ADAT2: variants seen among roughly 807,000 people sequenced by gnomAD.
ADAT2 encodes the protein adenosine deaminase tRNA specific 2, also known as tRNA-specific adenosine-34 deaminase catalytic subunit ADAT2.
ADAT2 carries 26 observed loss-of-function variants against 25.9 expected under a neutral mutation model. The observed-to-expected ratio is 1.00, with a 90% CI of 0.74 to 1.39. ADAT2 has a LOEUF of 1.39. ADAT2 is among the 40% of genes most tolerant of loss of function. The probability of loss-of-function intolerance (pLI) is 0.00; values close to 1 mark genes in which losing one functional copy is unlikely to be tolerated. For missense variants in ADAT2, 220 were observed against 244.8 expected (o/e 0.90, Z 0.68); for synonymous variants, 76 against 86.8 (o/e 0.88, Z 0.69).
At position 143,432,694 on chromosome 6, in the gene ADAT2, T is replaced by A; in HGVS notation, c.353-83A>T. Reference sequence around the variant, plus strand: ...AATCAGAGTAGGTTTATACCAGCCATCCTGGAGAGGAACGCTCATGCTACT... The same window carrying A: ...AATCAGAGTAGGTTTATACCAGCCAACCTGGAGAGGAACGCTCATGCTACT... On this transcript the variant is annotated intron_variant, in intron 3 of 5. Transcript: ENST00000237283. This position sits in a 1 kb window ranked among gnomAD's most constrained non-coding sequence, Gnocchi z 4.4. The A allele has an allele frequency of 1.5e-6, 2 of 1,322,194 alleles. No homozygotes were observed. The highest frequency in any genetic ancestry group is 1.1e-6 in the Non-Finnish European group (1 of 920,668). 81.9% of individuals were successfully genotyped at this position (1,322,194 alleles called of 1,614,324 possible). A position where few individuals can be genotyped will look rare whatever the true frequency, so the allele number is the denominator to read the frequency against.
At chr6:143,443,601 C>T (rs1779521332) in intron 1 of ADAT2, among the ~76,000 whole-genome samples, 1 of 152,024 alleles carries the variant, frequency 6.6e-6, no homozygotes, top group South Asian at 2.1e-4. Context: ...GAGGCCAAGG[C>T]AGGTGGATCA....
At chr6:143,447,357 C>A (rs532948420) in intron 1 of ADAT2, among the ~76,000 whole-genome samples, 12 of 152,086 alleles carry the variant, frequency 7.9e-5, no homozygotes, top group Non-Finnish European at 1.3e-4. Context: ...ATCCTTTGTC[C>A]CATTTTAGGT....
Position 143,432,560 on chromosome 6 carries a change from C to T in ADAT2, c.404G>A (p.Gly135Asp). Residue 135 changes from glycine to aspartate, a missense_variant, in exon 4 of 6, where the codon GGC becomes GAC. By Grantham distance (94) the Gly-to-Asp change is moderately conservative. Transcript: ENST00000237283. The surrounding 1 kb of genome is among the most constrained non-coding windows in gnomAD (Gnocchi z 4.4). ...AGCAGAGGCAATATTTAGAACAGAG[C>T]CACAACCACCAAATCGTTCATTCTG... Reference protein sequence around the residue: ...GCQNERFGGCGSVLNIASADL... With the variant: ...GCQNERFGGCDSVLNIASADL... The T allele has an allele frequency of 6.2e-7, 1 of 1,614,188 alleles. No individual in the cohort carries two copies. The highest frequency in any genetic ancestry group is 8.5e-7 in the Non-Finnish European group (1 of 1,180,022).
chr6:143,449,622 A>G (rs1779701075), intron 1 of ADAT2, among the ~76,000 whole-genome samples: 1 of 152,216 alleles, frequency 6.6e-6, no homozygotes, highest in Admixed American at 6.5e-5. Context: ...TTATAATCCT[A>G]TAGCACCACC....
In ADAT2 at chr6:143,450,585, C is replaced by G; in HGVS notation, c.74G>C (p.Trp25Ser). 1 of 1,614,178 alleles carries G rather than the reference C, an allele frequency of 6.2e-7. No individual in the cohort carries two copies. Among genetic ancestry groups the G allele is most frequent in the Non-Finnish European group, 8.5e-7 (1 of 1,180,044 alleles). The change falls in exon 1 of 6, where the codon TGG (tryptophan) becomes TCG (serine). Residue 25 changes from tryptophan to serine, a missense_variant. Transcript: ENST00000237283. ...CSVSAEETEK[W>S]MEEAMHMAKE... is the part of the protein sequence containing the mutation. ...CACCATGTGCATCGCCTCCTCCATC[C>G]ACTTTTCGGTCTCCTCTGCCGACAC...
At position 143,445,045 on chromosome 6, in the gene ADAT2, G is replaced by C. The variant is rs1779562372; in HGVS notation, c.96+5518C>G. On this transcript the variant is annotated intron_variant, in intron 1 of 5. Coordinates refer to ENST00000237283, the MANE Select transcript of ADAT2 (RefSeq NM_182503.3). Reference sequence around the variant, plus strand: ...GGTAGAACATCATCCTGTCCAAAAGGCTAAACTATATAACTGTTTCTGCTA... The same window carrying C: ...GGTAGAACATCATCCTGTCCAAAAGCCTAAACTATATAACTGTTTCTGCTA... 3 of 935,994 alleles carry C rather than the reference G, an allele frequency of 3.2e-6. No homozygotes were observed. The South Asian group carries it at 4.3e-5, about 14-fold the overall frequency. The allele number at this position is 935,994 out of a possible 1,614,324, so 58.0% of individuals were successfully genotyped here. A position where few individuals can be genotyped will look rare whatever the true frequency, so the allele number is the denominator to read the frequency against.
chr6:143,444,979 CA>C lies in ADAT2; in HGVS notation c.96+5583del, dbSNP rs772182731. On this transcript the variant is annotated intron_variant, in intron 1 of 5. Coordinates refer to ENST00000237283, the MANE Select transcript of ADAT2 (RefSeq NM_182503.3). This position sits in a 1 kb window ranked among gnomAD's most constrained non-coding sequence, Gnocchi z 4.3. ...CTTAAAGAAATATTTCCTATAAAGA[CA>C]AAAAATTAGGGGGAACAAACAAGTT... 7 of 1,301,750 alleles carry C rather than the reference CA, an allele frequency of 5.4e-6. No individual in the cohort carries two copies. The highest frequency in any genetic ancestry group is 4.6e-5 in the Admixed American group (2 of 43,294). The allele number at this position is 1,301,750 out of a possible 1,614,324, so 80.6% of individuals were successfully genotyped here. A position where few individuals can be genotyped will look rare whatever the true frequency, so the allele number is the denominator to read the frequency against.
chr6:143,431,141 T>C lies in ADAT2; in HGVS notation c.459+1364A>G, dbSNP rs947539448. On this transcript the variant is annotated intron_variant, in intron 4 of 5. Coordinates refer to ENST00000237283, the MANE Select transcript of ADAT2 (RefSeq NM_182503.3). ...AAAGCACCTTTAAAAAAACCATAAT[T>C]TGGCATTCAGCCTGGAGATATGGCT... Among the ~76,000 whole-genome samples the C allele has an allele frequency of 2.0e-5, 3 of 152,206 alleles. No individual in the cohort carries two copies. The South Asian group carries it at 6.2e-4, about 31-fold the overall frequency.
chr6:143,438,851 T>C (rs2128741964), intron 1 of ADAT2, among the ~76,000 whole-genome samples, 157 bp from the exon 2 acceptor site: 1 of 152,238 alleles, frequency 6.6e-6, no homozygotes, highest in East Asian at 1.9e-4. Flanking sequence ...ATTACGGTAT[T>C]TAGTGCCCGT....
Position 143,432,597 on chromosome 6 carries a change from C to A in ADAT2, c.367G>T (p.Val123Leu). Reference sequence around the variant, plus strand: ...AATCGTTCATTCTGACAGCCATATACAACCAGCGGGATTTATAAGACAGAA... The same window carrying A: ...AATCGTTCATTCTGACAGCCATATAAAACCAGCGGGATTTATAAGACAGAA... ...ALRLMKIPLV[V>L]YGCQNERFGG... Residue 123 changes from valine (V) to leucine (L), a missense_variant, in exon 4 of 6, where the codon GTA becomes TTA. By Grantham distance (32) the Val-to-Leu change is conservative. Coordinates refer to ENST00000237283, the MANE Select transcript of ADAT2 (RefSeq NM_182503.3). The surrounding 1 kb of genome is among the most constrained non-coding windows in gnomAD (Gnocchi z 4.4). The A allele has an allele frequency of 6.2e-7, 1 of 1,614,186 alleles. No homozygotes were observed. The highest frequency in any genetic ancestry group is 8.5e-7 in the Non-Finnish European group (1 of 1,180,016).
chr6:143,433,323 G>A (rs1262703274), intron 3 of ADAT2, among the ~76,000 whole-genome samples: 1 of 152,140 alleles, frequency 6.6e-6, no homozygotes, highest in Admixed American at 6.5e-5. Context: ...CCAAAGAGCT[G>A]TAACTTTACT....
At chr6:143,450,359 T>C (rs755521127) in intron 1 of ADAT2, among the ~76,000 whole-genome samples, 1 of 152,172 alleles carries the variant, frequency 6.6e-6, no homozygotes, top group African/African-American at 2.4e-5. Flanking sequence ...ATAATTTGTG[T>C]ATTTCCTCCC....
rs1779273272 is a variant in ADAT2, at chr6:143,436,182, A to T, written c.202-2201T>A. 1 of 171,276 alleles carries T rather than the reference A, an allele frequency of 5.8e-6. No homozygotes were observed. The highest frequency in any genetic ancestry group is 2.4e-5 in the African/African-American group (1 of 42,198). 10.6% of individuals were successfully genotyped at this position (171,276 alleles called of 1,614,324 possible). On this transcript the variant is annotated intron_variant, in intron 2 of 5. Transcript: ENST00000237283. The surrounding 1 kb of genome is among the most constrained non-coding windows in gnomAD (Gnocchi z 4.1). ...TACTTTCTGTATTTGAAATTTTAAA[A>T]AGGTATTTCAAAATGAGCATTTAAA...
chr6:143,428,933 A>G lies in ADAT2; in HGVS notation c.460-249T>C, dbSNP rs1376089108. 2.0e-5 allele frequency among the ~76,000 whole-genome samples: 3 copies of G among 152,244 alleles called. No individual in the cohort carries two copies. Among genetic ancestry groups the G allele is most frequent in the Admixed American group, 6.5e-5 (1 of 15,288 alleles). ...AACTGTTATTCATCCATTAACTATT[A>G]TAGAAGTTACCAGCTTTGTGATCTT... is the stretch of plus-strand genomic sequence containing the variant. On this transcript the variant is annotated intron_variant, in intron 4 of 5. Coordinates refer to ENST00000237283, the MANE Select transcript of ADAT2 (RefSeq NM_182503.3). The surrounding 1 kb of genome is among the most constrained non-coding windows in gnomAD (Gnocchi z 5.0).
chr6:143,448,066 C>T (rs1416917208), intron 1 of ADAT2, among the ~76,000 whole-genome samples: 1 of 152,044 alleles, frequency 6.6e-6, no homozygotes, highest in Non-Finnish European at 1.5e-5. Context: ...ACTATGCAGC[C>T]ATAAAAAAGG....
rs1031168536 is a variant in ADAT2, at chr6:143,436,735, C to T, written c.201+1855G>A. The T allele has an allele frequency of 2.3e-5, 4 of 177,312 alleles. No homozygotes were observed. The highest frequency in any genetic ancestry group is 4.7e-5 in the Non-Finnish European group (4 of 84,398). The allele number at this position is 177,312 out of a possible 1,614,324, so 11.0% of individuals were successfully genotyped here. The stretch of plus-strand genomic sequence containing the variant: ...GAGCCTTCTGTTACTGGGTTAAGGG[C>T]GGGGGTGGTATGAATTCTTCATTTG... On this transcript the variant is annotated intron_variant, in intron 2 of 5. Transcript: ENST00000237283. This position sits in a 1 kb window ranked among gnomAD's most constrained non-coding sequence, Gnocchi z 4.1.
chr6:143,436,600 G>T lies in ADAT2; in HGVS notation c.201+1990C>A. The T allele has an allele frequency of 2.4e-6, 1 of 410,070 alleles. No homozygotes were observed. Among genetic ancestry groups the T allele is most frequent in the Non-Finnish European group, 5.0e-6 (1 of 201,916 alleles). 25.4% of individuals were successfully genotyped at this position (410,070 alleles called of 1,614,324 possible). On this transcript the variant is annotated intron_variant, in intron 2 of 5. Transcript: ENST00000237283. This position sits in a 1 kb window ranked among gnomAD's most constrained non-coding sequence, Gnocchi z 4.1. ...GGGCAAGAATGAGATGGAATTCACT[G>T]GGGCCGAGAGCAACATGAATGACCT...
At chr6:143,441,864 C>G (rs1169189662) in intron 1 of ADAT2, 1 of 152,116 alleles carries the variant, frequency 6.6e-6, no homozygotes, top group Non-Finnish European at 1.5e-5. Flanking sequence ...CACTACACAC[C>G]CATCAGCATG....
At chr6:143,449,859 G>A (rs1779708799) in intron 1 of ADAT2, 1 of 152,228 alleles carries the variant, frequency 6.6e-6, no homozygotes, top group African/African-American at 2.4e-5. Context: ...AGCTAAGCAG[G>A]GTCAGGCCTG....
Sources: gnomAD v4.1 joint callset for allele counts (sites outside exome capture counted in the v4.1 genomes callset) on GRCh38, gnomAD v4.1.1 for gene constraint, Gnocchi (gnomAD v3.1) non-coding constraint, MANE v1.5 for transcripts, NCBI Gene and HGNC (gene_info 2026-07-23, HGNC 2026-07-21) for gene names.